The following KIAA0825 variants were observed in gnomAD, a reference collection of about 807,000 sequenced individuals.
KIAA0825 encodes KIAA0825, also known as uncharacterized protein KIAA0825.
KIAA0825 carries 119 observed loss-of-function variants against 147.6 expected under a neutral mutation model. That is an observed-to-expected ratio of 0.81 (90% CI 0.69 to 0.94). KIAA0825 has a LOEUF of 0.94. Ranked by LOEUF, KIAA0825 falls within the 40% of genes least tolerant of loss-of-function variation. KIAA0825 has a pLI of 0.00. For synonymous variants in KIAA0825, 470 were observed against 518.1 expected, an observed-to-expected ratio of 0.91 and a Z score of 1.26; for missense variants, 1,381 against 1,472.7, an observed-to-expected ratio of 0.94 and a Z score of 1.02.
At chr5:94,593,752 C>T (rs945954117) in intron 1 of KIAA0825, 38 of 359,132 alleles carry the variant, frequency 1.1e-4, no homozygotes, top group Middle Eastern at 1.2e-3. Context: ...GAAGATAACT[C>T]AAGCATTGAC....
chr5:94,477,159 T>C lies in KIAA0825; in HGVS notation c.1179A>G (p.Arg393=), dbSNP rs1369946981. 1 of 1,550,526 alleles carries C rather than the reference T, an allele frequency of 6.4e-7. No homozygotes were observed. Among genetic ancestry groups the C allele is most frequent in the Non-Finnish European group, 8.7e-7 (1 of 1,146,704 alleles). ...SDREVVMEKP[R]ANETNIPSEQ... ...CGGAAGGAATATTGGTTTCGTTTGCTCTAGGTTTTTCCATTACAACCTCTC... is the reference window on the plus strand; with the variant it reads ...CGGAAGGAATATTGGTTTCGTTTGCCCTAGGTTTTTCCATTACAACCTCTC... The change falls in exon 7 of 21, where the codon AGA becomes AGG. Residue 393 remains arginine, a synonymous_variant. Transcript: ENST00000682413.
chr5:94,198,848 C>T (rs1417034243), intron 20 of KIAA0825, among the ~76,000 whole-genome samples: 3 of 152,220 alleles, frequency 2.0e-5, no homozygotes, highest in Admixed American at 2.0e-4. Flanking sequence ...CTGCTATCAA[C>T]ACTTTCAATT....
At position 94,477,125 on chromosome 5, in the gene KIAA0825, GT is replaced by G; in HGVS notation, c.1212del (p.Leu405TyrfsTer9). On this transcript the variant is annotated frameshift_variant, in exon 7 of 21. Coordinates refer to ENST00000682413, the MANE Select transcript of KIAA0825 (RefSeq NM_001145678.3). LOFTEE classifies it high-confidence loss of function. The part of the protein sequence containing the change: ...ANETNIPSEQ[S>X]LPGKEATLLD... The stretch of plus-strand genomic sequence containing the variant: ...CCTTCACTTACCTCTTTTCCTGGTA[GT>G]GATTGCTCGGAAGGAATATTGGTTT... 6.5e-7 allele frequency: 1 copy of G among 1,550,250 alleles called. No individual in the cohort carries two copies. The highest frequency in any genetic ancestry group is 8.7e-7 in the Non-Finnish European group (1 of 1,146,302).
intron 20 of KIAA0825, among the ~76,000 whole-genome samples, chr5:94,328,724 C>A (rs1221674153): frequency 6.6e-6 from 1 of 151,386 alleles, no homozygotes; most frequent in African/African-American, 2.4e-5. Context: ...GCTTGAAATG[C>A]ACTTTGTATA....
At chr5:94,281,770 C>T (rs1186541209) in intron 20 of KIAA0825, among the ~76,000 whole-genome samples, 1 of 152,114 alleles carries the variant, frequency 6.6e-6, no homozygotes, top group Non-Finnish European at 1.5e-5. Context: ...TGATTGAGAA[C>T]CACTGTTGTA....
intron 20 of KIAA0825, among the ~76,000 whole-genome samples, chr5:94,278,032 T>C (rs1320226661): frequency 6.6e-6 from 1 of 152,096 alleles, no homozygotes; most frequent in Non-Finnish European, 1.5e-5. Context: ...AAACACCACA[T>C]GTTCTCACGC....
chr5:94,448,201 G>A (rs1039437277), intron 13 of KIAA0825, among the ~76,000 whole-genome samples: 1 of 150,558 alleles, frequency 6.6e-6, no homozygotes, highest in Non-Finnish European at 1.5e-5. Context: ...ATCAACTCAC[G>A]TTGTTAGCCT....
Position 94,532,447 on chromosome 5 carries a change from C to A in KIAA0825, c.131+4549G>T, listed in dbSNP as rs543131690. Among the ~76,000 whole-genome samples the A allele has an allele frequency of 2.0e-5, 3 of 152,150 alleles. No individual in the cohort carries two copies. The South Asian group carries it at 6.2e-4, about 32-fold the overall frequency. On this transcript the variant is annotated intron_variant, in intron 3 of 20. Coordinates refer to ENST00000682413, the MANE Select transcript of KIAA0825 (RefSeq NM_001145678.3). ...TGCGATTATAGGCATGAGCCCCCACCCGACCTGGTAGCACTTCTTGCTCCT... is the reference window on the plus strand; with the variant it reads ...TGCGATTATAGGCATGAGCCCCCACACGACCTGGTAGCACTTCTTGCTCCT...
At chr5:94,188,171 A>G (rs1770325967) in intron 20 of KIAA0825, among the ~76,000 whole-genome samples, 1 of 152,192 alleles carries the variant, frequency 6.6e-6, no homozygotes, top group Non-Finnish European at 1.5e-5. Context: ...CAGCCTCCAG[A>G]GGAGAAATAA....
At chr5:94,255,512 G>C (rs1374191188) in intron 20 of KIAA0825, among the ~76,000 whole-genome samples, 4 of 151,980 alleles carry the variant, frequency 2.6e-5, no homozygotes, top group Admixed American at 6.6e-5. Context: ...TGGAGATACG[G>C]TGTTGTGTGA....
intron 11 of KIAA0825, among the ~76,000 whole-genome samples, chr5:94,463,355 A>G (rs1429228605): frequency 6.7e-6 from 1 of 149,754 alleles, no homozygotes; most frequent in Non-Finnish European, 1.5e-5. Flanking sequence ...ATCTTTTAAA[A>G]TGACATTTTG....
intron 20 of KIAA0825, among the ~76,000 whole-genome samples, chr5:94,363,559 C>T (rs965443529): frequency 1.3e-5 from 2 of 152,092 alleles, no homozygotes; most frequent in Non-Finnish European, 2.9e-5. Context: ...TTCTAATGAG[C>T]ATATATGTGA....
intron 20 of KIAA0825, among the ~76,000 whole-genome samples, chr5:94,281,795 C>A (rs1445188100): frequency 6.6e-6 from 1 of 152,070 alleles, no homozygotes; most frequent in Non-Finnish European, 1.5e-5. Flanking sequence ...AATAAATTCC[C>A]CTTTCCCCGT....
chr5:94,185,334 C>T (rs1253464081), intron 20 of KIAA0825, among the ~76,000 whole-genome samples: 1 of 152,038 alleles, frequency 6.6e-6, no homozygotes, highest in African/African-American at 2.4e-5. Context: ...CCACATAGAG[C>T]CTTGAGTATG....
intron 20 of KIAA0825, among the ~76,000 whole-genome samples, chr5:94,359,322 A>G (rs1470261159): frequency 6.6e-6 from 1 of 152,254 alleles, no homozygotes; most frequent in Non-Finnish European, 1.5e-5. Flanking sequence ...ATAGGTTTAT[A>G]TAATAATCCT....
At chr5:94,369,147 G>T (rs2150443497) in intron 20 of KIAA0825, among the ~76,000 whole-genome samples, 1 of 152,110 alleles carries the variant, frequency 6.6e-6, no homozygotes, top group Non-Finnish European at 1.5e-5. Context: ...GACAGAGTGA[G>T]ACCTAGACAA....
intron 20 of KIAA0825, among the ~76,000 whole-genome samples, chr5:94,309,002 A>AAATAGAATT (rs1778928477): frequency 6.6e-6 from 1 of 151,920 alleles, no homozygotes; most frequent in African/African-American, 2.4e-5. Flanking sequence ...TTCTTTAGTC[A>AAATAGAATT]TATTCAATTC....
intron 20 of KIAA0825, among the ~76,000 whole-genome samples, chr5:94,342,395 AGTT>A (rs768507761): frequency 7.9e-5 from 12 of 152,324 alleles, no homozygotes; most frequent in East Asian, 1.9e-4. Context: ...ATTTTTAAAC[AGTT>A]GTTGTAAAAT....
At chr5:94,503,653 A>C (rs1331098288) in intron 5 of KIAA0825, among the ~76,000 whole-genome samples, 1 of 128,244 alleles carries the variant, frequency 7.8e-6, no homozygotes, top group African/African-American at 3.9e-5. Context: ...CTTCTCCATC[A>C]TCTGACAATA....
Sources: gnomAD v4.1 joint callset for allele counts (sites outside exome capture counted in the v4.1 genomes callset) on GRCh38, gnomAD v4.1.1 for gene constraint, MANE v1.5 for transcripts, NCBI Gene and HGNC (gene_info 2026-07-23, HGNC 2026-07-21) for gene names.